The following SRPK2 variants were observed in gnomAD, a reference collection of about 807,000 sequenced individuals.
SRPK2 encodes SFRS protein kinase 2.
In SRPK2, 21 loss-of-function variants were observed where a neutral mutation model predicts 90.8. The ratio of observed to expected loss-of-function variants is 0.23; its 90% CI spans 0.16 to 0.33. The LOEUF (loss-of-function observed/expected upper bound fraction) is 0.33. Ranked by LOEUF, SRPK2 falls within the 10% of genes least tolerant of loss-of-function variation. SRPK2 has a pLI of 1.00. For missense variants in SRPK2, 620 were observed against 869.0 expected (o/e 0.71, Z 3.60); for synonymous variants, 288 against 311.1 (o/e 0.93, Z 0.78).
At chr7:105,354,303 A>G (rs1817543863) in intron 2 of SRPK2, among the ~76,000 whole-genome samples, 1 of 152,132 alleles carries the variant, frequency 6.6e-6, no homozygotes, top group South Asian at 2.1e-4. Context: ...CTTATCCTTA[A>G]GACTCACCAC....
intron 2 of SRPK2, chr7:105,306,137 G>C (rs921200383): frequency 6.0e-6 from 1 of 167,060 alleles, no homozygotes; most frequent in Non-Finnish European, 1.3e-5. Context: ...AAAGAAGTAA[G>C]AGGATTTTTT....
chr7:105,233,091 A>AGAAAGGAAGGAAGGAAGGAAGGAAGGAAG (rs1213029003), intron 2 of SRPK2, among the ~76,000 whole-genome samples: 1 of 91,846 alleles, frequency 1.1e-5, no homozygotes. Context: ...AAGGAAGGAA[A>AGAAAGGAAGGAAGGAAGGAAGGAAGGAAG]GAAGGAAGGA....
chr7:105,380,725 T>A (rs1237372020), intron 2 of SRPK2, among the ~76,000 whole-genome samples: 2 of 151,656 alleles, frequency 1.3e-5, no homozygotes, highest in East Asian at 3.9e-4. Flanking sequence ...GGTTTCGCCA[T>A]GTTGGTCAGG....
Position 105,231,129 on chromosome 7 carries a change from C to T in SRPK2, c.72-27344G>A, listed in dbSNP as rs189216016. 5.6e-4 allele frequency among the ~76,000 whole-genome samples: 85 copies of T among 152,246 alleles called. 1 individual carries two copies. The highest frequency in any genetic ancestry group is 2.1e-3 in the Admixed American group (32 of 15,286). On this transcript the variant is annotated intron_variant, in intron 2 of 15. Coordinates refer to ENST00000393651, the MANE Select transcript of SRPK2 (RefSeq NM_182692.3). ...CCCAGTGTCTGTTTCCTTCTTTGTG[C>T]TGATTTGATGAGTTCTTATCACTCA... is the stretch of plus-strand genomic sequence containing the variant.
chr7:105,199,308 T>C (rs1795270984), intron 3 of SRPK2, among the ~76,000 whole-genome samples: 1 of 152,198 alleles, frequency 6.6e-6, no homozygotes, highest in Admixed American at 6.5e-5. Flanking sequence ...TAATTTTTTT[T>C]TAATTGTATT....
intron 2 of SRPK2, among the ~76,000 whole-genome samples, chr7:105,375,499 A>G (rs753398008): frequency 1.9e-4 from 29 of 152,212 alleles, no homozygotes; most frequent in Non-Finnish European, 3.8e-4. Flanking sequence ...CTGGGCAGCA[A>G]AGCAATACCC....
intron 2 of SRPK2, 47 bp downstream of exon 2, chr7:105,388,601 C>T: frequency 6.6e-7 from 1 of 1,523,156 alleles, no homozygotes; most frequent in Admixed American, 1.9e-5. Context: ...CGGGCGCCCC[C>T]GACGGGGCGG....
chr7:105,145,181 G>C (rs934211854), intron 9 of SRPK2, 102 bp downstream of exon 9: 15 of 766,804 alleles, frequency 2.0e-5, no homozygotes, highest in Non-Finnish European at 3.9e-6. Context: ...TTATAAATGT[G>C]TCTACCCTTT....
chr7:105,148,640 T>C (rs1012168011), intron 7 of SRPK2, among the ~76,000 whole-genome samples: 6 of 152,188 alleles, frequency 3.9e-5, no homozygotes, highest in African/African-American at 7.2e-5. Flanking sequence ...CATCATCCAA[T>C]GTAGGGAAAA....
intron 2 of SRPK2, among the ~76,000 whole-genome samples, chr7:105,335,231 A>T (rs1337941616): frequency 6.6e-6 from 1 of 152,208 alleles, no homozygotes; most frequent in Non-Finnish European, 1.5e-5. Flanking sequence ...TAATAAAGGA[A>T]GACAAAAAAT....
chr7:105,201,441 T>C (rs1053652625), intron 3 of SRPK2, among the ~76,000 whole-genome samples: 3 of 152,080 alleles, frequency 2.0e-5, no homozygotes, highest in Admixed American at 1.3e-4. Flanking sequence ...CTTAGCCCTA[T>C]ATTTGGGGTT....
At chr7:105,157,649 G>A (rs1806721327) in intron 7 of SRPK2, among the ~76,000 whole-genome samples, 1 of 152,096 alleles carries the variant, frequency 6.6e-6, no homozygotes, top group Non-Finnish European at 1.5e-5. Context: ...CATTAACACT[G>A]CATATAAGAA....
chr7:105,270,444 G>A (rs1051536534), intron 2 of SRPK2, among the ~76,000 whole-genome samples: 8 of 141,922 alleles, frequency 5.6e-5, no homozygotes, highest in East Asian at 4.3e-4. Context: ...AATTTCACTC[G>A]TTGCCCAGGC....
rs183851312 is a variant in SRPK2, at chr7:105,170,511, G to A, written c.230-1246C>T. Among the ~76,000 whole-genome samples, 517 of 151,806 alleles carry A rather than the reference G, an allele frequency of 3.4e-3. 5 individuals carry two copies. The highest frequency in any genetic ancestry group is 0.012 in the African/African-American group (485 of 41,384). Reference sequence around the variant, plus strand: ...AGTTCAAGACCAGCCTGGCCAACACGGTGAAACCCCATCTCTACTAAAAAT... The same window carrying A: ...AGTTCAAGACCAGCCTGGCCAACACAGTGAAACCCCATCTCTACTAAAAAT... On this transcript the variant is annotated intron_variant, in intron 3 of 15. Coordinates refer to ENST00000393651, the MANE Select transcript of SRPK2 (RefSeq NM_182692.3).
intron 2 of SRPK2, among the ~76,000 whole-genome samples, chr7:105,361,753 G>A (rs1818449768): frequency 6.6e-6 from 1 of 152,112 alleles, no homozygotes; most frequent in African/African-American, 2.4e-5. Context: ...AAATGGTGCT[G>A]GGAAAACTGG....
intron 2 of SRPK2, among the ~76,000 whole-genome samples, chr7:105,300,774 A>G (rs963209638): frequency 2.0e-5 from 3 of 152,232 alleles, no homozygotes; most frequent in African/African-American, 7.2e-5. Flanking sequence ...AATGCTCATC[A>G]TCACTAGTCA....
chr7:105,231,094 C>G (rs13235033), intron 2 of SRPK2, among the ~76,000 whole-genome samples: 1 of 152,038 alleles, frequency 6.6e-6, no homozygotes, highest in Non-Finnish European at 1.5e-5. Flanking sequence ...CCCTCCCTCG[C>G]CAAGTAGACC....
chr7:105,183,782 G>C (rs941623164), intron 3 of SRPK2, among the ~76,000 whole-genome samples: 3 of 151,770 alleles, frequency 2.0e-5, no homozygotes, highest in African/African-American at 7.3e-5. Context: ...GAGCCACCAC[G>C]CCCTGCGTGG....
chr7:105,244,680 G>A (rs1429125434), intron 2 of SRPK2: 7 of 1,116,374 alleles, frequency 6.3e-6, no homozygotes, highest in East Asian at 2.5e-5. Context: ...ATGGCCGTGG[G>A]CCTCAACAAG....
Sources: allele counts gnomAD v4.1 joint callset (sites outside exome capture counted in the v4.1 genomes callset), GRCh38; gene constraint gnomAD v4.1.1; transcripts MANE v1.5; gene names NCBI Gene and HGNC (gene_info 2026-07-23, HGNC 2026-07-21).